TNS3: variants seen among roughly 807,000 people sequenced by gnomAD.
TNS3 encodes tensin-3.
Under a neutral mutation model 140.9 loss-of-function variants are expected in TNS3, and 45 were observed. That is an observed-to-expected ratio of 0.32 (90% CI 0.25 to 0.41). The LOEUF is 0.41. Ranked by LOEUF, TNS3 falls within the 10% of genes least tolerant of loss-of-function variation. The pLI, the probability that TNS3 is intolerant of heterozygous loss-of-function variation, is 1.00. For missense variants in TNS3, 1,716 were observed against 1,906.7 expected (o/e 0.90, Z 1.86); for synonymous variants, 815 against 788.4 (o/e 1.03, Z -0.56).
At chr7:47,331,918 G>A (rs1440746393) in intron 20 of TNS3, among the ~76,000 whole-genome samples, 1 of 152,236 alleles carries the variant, frequency 6.6e-6, no homozygotes, top group Non-Finnish European at 1.5e-5. Context: ...CTGTTGAGGA[G>A]GTACACTAAT....
intron 20 of TNS3, among the ~76,000 whole-genome samples, chr7:47,340,112 TA>T (rs1228774420): frequency 0.018 from 877 of 47,410 alleles, 17 homozygotes; most frequent in African/African-American, 0.035. Flanking sequence ...TATATATATA[TA>T]TATTTTTTTT....
At position 47,350,881 on chromosome 7, in the gene TNS3, C is replaced by T. The variant is rs369125438; in HGVS notation, c.2282-4525G>A. On this transcript the variant is annotated intron_variant, in intron 17 of 30. Transcript: ENST00000311160. ...TTATGGAACTTGAAGTGGACAAACA[C>T]GCTCCAACATTAAGTGACAAAAGAC... Among the ~76,000 whole-genome samples, 7 of 152,272 alleles carry T rather than the reference C, an allele frequency of 4.6e-5. No homozygotes were observed. The East Asian group carries it at 9.7e-4, about 21-fold the overall frequency.
At chr7:47,544,739 G>A (rs1286451979) in intron 1 of TNS3, among the ~76,000 whole-genome samples, 1 of 152,048 alleles carries the variant, frequency 6.6e-6, no homozygotes, top group East Asian at 1.9e-4. Flanking sequence ...CAGGACCCAG[G>A]CACGGATCAG....
chr7:47,474,571 C>CG (rs1797098492), intron 4 of TNS3, among the ~76,000 whole-genome samples: 1 of 150,224 alleles, frequency 6.7e-6, no homozygotes, highest in Non-Finnish European at 1.5e-5. Context: ...ACAACACACA[C>CG]ACCTCACAAC....
intron 4 of TNS3, among the ~76,000 whole-genome samples, chr7:47,462,948 G>A (rs971687749): frequency 1.3e-5 from 2 of 152,156 alleles, no homozygotes; most frequent in African/African-American, 4.8e-5. Flanking sequence ...ATCATTAAGT[G>A]AAAACCTGAC....
chr7:47,369,750 A>G lies in TNS3; in HGVS notation c.1025-129T>C, dbSNP rs866123520. On this transcript the variant is annotated intron_variant, in intron 16 of 30. Transcript: ENST00000311160. ...AAAATATGACTTACAATAAACAAGG[A>G]CAAAGATTCCTCTAACATCACAAAG... is the stretch of plus-strand genomic sequence containing the variant. 9.0e-6 allele frequency: 10 copies of G among 1,112,682 alleles called. No homozygotes were observed. The Middle Eastern group carries it at 1.6e-3, about 176-fold the overall frequency. The allele number at this position is 1,112,682 out of a possible 1,614,324, so 68.9% of individuals were successfully genotyped here. A position where few individuals can be genotyped will look rare whatever the true frequency, so the allele number is the denominator to read the frequency against.
intron 13 of TNS3, chr7:47,405,631 A>G: frequency 1.4e-6 from 1 of 702,364 alleles, no homozygotes; most frequent in Non-Finnish European, 2.6e-6. Context: ...TGCTGAGATG[A>G]CAGCATGGAT....
chr7:47,413,805 C>A (rs1793921321), intron 12 of TNS3, 132 bp downstream of exon 12: 1 of 1,148,616 alleles, frequency 8.7e-7, no homozygotes. Flanking sequence ...CTGGACTCTT[C>A]TTTGGCTTCT....
At chr7:47,551,869 G>A (rs1474908588) in intron 1 of TNS3, among the ~76,000 whole-genome samples, 3 of 152,234 alleles carry the variant, frequency 2.0e-5, no homozygotes, top group Middle Eastern at 3.4e-3. Flanking sequence ...AGGGAATGAC[G>A]TCTGCTAAGG....
intron 28 of TNS3, 115 bp from the exon 29 acceptor site, chr7:47,280,469 A>G: frequency 1.1e-6 from 1 of 944,138 alleles, no homozygotes; most frequent in Non-Finnish European, 1.7e-6. Context: ...AAAACATTTC[A>G]TACTTTTACT....
In TNS3 at chr7:47,346,356, C is replaced by T. The variant is rs772872166; in HGVS notation, c.2282G>A (p.Gly761Asp). Residue 761 changes from glycine to aspartate, a missense_variant and splice_region_variant, in exon 18 of 31, where the codon GGC becomes GAC. This residue lies in a region of TNS3 where 1,163 missense variants were observed against 1,182.1 expected (regional missense o/e 0.98). Transcript: ENST00000311160. Reference sequence around the variant, plus strand: ...GCCCAGGGGCTGTTCAGCAGAGGAGCCTGTTAAAAGGGAGACAAGCAGGCT... The same window carrying T: ...GCCCAGGGGCTGTTCAGCAGAGGAGTCTGTTAAAAGGGAGACAAGCAGGCT... ...EGPSRATGRQ[G>D]SSAEQPLGGR... is the part of the protein sequence containing the mutation. 7.4e-6 allele frequency: 12 copies of T among 1,613,878 alleles called. No homozygotes were observed. Among genetic ancestry groups the T allele is most frequent in the Non-Finnish European group, 1.0e-5 (12 of 1,179,954 alleles).
chr7:47,367,384 A>G (rs889068402), intron 17 of TNS3, among the ~76,000 whole-genome samples: 2 of 152,112 alleles, frequency 1.3e-5, no homozygotes, highest in Non-Finnish European at 2.9e-5. Context: ...CAGAAAGAAC[A>G]CTGTATAGTA....
At chr7:47,356,717 T>C (rs1370925670) in intron 17 of TNS3, among the ~76,000 whole-genome samples, 1 of 152,132 alleles carries the variant, frequency 6.6e-6, no homozygotes, top group African/African-American at 2.4e-5. Flanking sequence ...TGTATAGATA[T>C]AACAAACAAA....
chr7:47,505,487 G>A (rs760888840), intron 3 of TNS3, among the ~76,000 whole-genome samples: 67 of 152,196 alleles, frequency 4.4e-4, no homozygotes, highest in Admixed American at 2.1e-3. Flanking sequence ...GCTCCACACA[G>A]CCCCCAGGAG....
chr7:47,473,515 C>T (rs575200872), intron 4 of TNS3, among the ~76,000 whole-genome samples: 2 of 152,258 alleles, frequency 1.3e-5, no homozygotes, highest in East Asian at 1.9e-4. Context: ...GATCTTCAGC[C>T]GAGACTCTGC....
At chr7:47,574,669 T>A (rs2152023099) in intron 1 of TNS3, among the ~76,000 whole-genome samples, 1 of 151,796 alleles carries the variant, frequency 6.6e-6, no homozygotes, top group East Asian at 1.9e-4. Context: ...ACGGTATTAT[T>A]CAGCCTTAAA....
At chr7:47,376,726 GACACACACAC>G (rs148067728) in intron 16 of TNS3, among the ~76,000 whole-genome samples, 66 of 144,358 alleles carry the variant, frequency 4.6e-4, no homozygotes, top group Non-Finnish European at 8.2e-4. Flanking sequence ...TCTAGATCAA[GACACACACAC>G]ACACACACAC....
intron 20 of TNS3, 120 bp from the exon 21 acceptor site, chr7:47,305,123 A>C: frequency 1.3e-6 from 1 of 771,100 alleles, no homozygotes; most frequent in South Asian, 6.3e-5. Flanking sequence ...TCTGTCATCC[A>C]TGGCCATACT....
At chr7:47,558,183 T>C (rs540406887) in intron 1 of TNS3, among the ~76,000 whole-genome samples, 14 of 152,282 alleles carry the variant, frequency 9.2e-5, no homozygotes, top group African/African-American at 3.4e-4. Flanking sequence ...TCAGAGCCTC[T>C]TGTAGGTTCC....
Sources: allele counts gnomAD v4.1 joint callset (sites outside exome capture counted in the v4.1 genomes callset), GRCh38; gene constraint gnomAD v4.1.1; regional missense constraint gnomAD v4.1.1; transcripts MANE v1.5; gene names NCBI Gene and HGNC (gene_info 2026-07-23, HGNC 2026-07-21).